The following ACTR10 variants were observed in gnomAD, a reference collection of about 807,000 sequenced individuals.
ACTR10 encodes actin-related protein 10.
Under a neutral mutation model 56.2 loss-of-function variants are expected in ACTR10, and 43 were observed. The ratio of observed to expected loss-of-function variants is 0.77; its 90% CI spans 0.60 to 0.99. The LOEUF is 0.99. Ranked by LOEUF, ACTR10 falls within the 50% of genes least tolerant of loss-of-function variation. The probability of loss-of-function intolerance (pLI) is 0.00; values close to 1 mark genes in which losing one functional copy is unlikely to be tolerated. For synonymous variants in ACTR10, 170 were observed against 176.3 expected (o/e 0.96, Z 0.28); for missense variants, 466 against 507.8 (o/e 0.92, Z 0.79).
intron 10 of ACTR10, among the ~76,000 whole-genome samples, chr14:58,229,069 A>G (rs1168073495): frequency 6.6e-6 from 1 of 152,176 alleles, no homozygotes; most frequent in Non-Finnish European, 1.5e-5. Flanking sequence ...TGGCATTGGC[A>G]TAAAATATAT....
chr14:58,213,743 A>G (rs746109842), intron 6 of ACTR10, 45 bp downstream of exon 6: 19 of 1,466,120 alleles, frequency 1.3e-5, no homozygotes, highest in Non-Finnish European at 1.5e-5. Context: ...CTGTGCCACA[A>G]AAACAGTTGC....
chr14:58,223,740 T>TTACA (rs752205358), intron 9 of ACTR10, 39 bp downstream of exon 9: 1 of 1,606,850 alleles, frequency 6.2e-7, no homozygotes, highest in South Asian at 1.1e-5. Context: ...TTTGCAAAGG[T>TTACA]TACAACATGT....
At chr14:58,210,445 G>A (rs955661269) in intron 4 of ACTR10, among the ~76,000 whole-genome samples, 15 of 152,134 alleles carry the variant, frequency 9.9e-5, no homozygotes, top group African/African-American at 3.6e-4. Flanking sequence ...GCAGTGAGCT[G>A]TGATTGCACC....
At position 58,215,216 on chromosome 14, in the gene ACTR10, C is replaced by A; in HGVS notation, c.530C>A (p.Thr177Asn). 6.3e-7 allele frequency: 1 copy of A among 1,589,938 alleles called. No individual in the cohort carries two copies. Among genetic ancestry groups the A allele is most frequent in the Non-Finnish European group, 8.6e-7 (1 of 1,168,638 alleles). ...TTTTTTAATTTCAGAGAGTTGGAAA[C>A]TCAACTATTGGAACAATGTACTGTT... ...GGKALHKELE[T>N]QLLEQCTVDT... The change falls in exon 7 of 13, where the codon ACT becomes AAT. Residue 177 changes from threonine (T) to asparagine (N), a missense_variant. Transcript: ENST00000254286.
intron 4 of ACTR10, among the ~76,000 whole-genome samples, chr14:58,210,760 C>T (rs1354922654): frequency 1.3e-5 from 2 of 151,464 alleles, no homozygotes; most frequent in East Asian, 1.9e-4. Context: ...CTGCAACCTC[C>T]GCCTCCTGGG....
chr14:58,228,483 G>T (rs770763910), intron 10 of ACTR10, among the ~76,000 whole-genome samples: 1 of 151,890 alleles, frequency 6.6e-6, no homozygotes, highest in Non-Finnish European at 1.5e-5. Context: ...TTAGCTGGGC[G>T]TGGTGGCACA....
rs746647996 is a variant in ACTR10, at chr14:58,223,816, T to C, written c.748T>C (p.Leu250=). 3 of 1,613,216 alleles carry C rather than the reference T, an allele frequency of 1.9e-6. No homozygotes were observed. The East Asian group carries it at 6.7e-5, about 36-fold the overall frequency. Residue 250 remains leucine (L), a synonymous_variant, in exon 10 of 13, where the codon TTA becomes CTA. Coordinates refer to ENST00000254286, the MANE Select transcript of ACTR10 (RefSeq NM_018477.3). ...PSPPPNVDYP[L]DGEKILHILG... ...CCCACCCCCAAATGTTGACTATCCA[T>C]TAGATGGAGAGAAGATTTTACATAT... is the stretch of plus-strand genomic sequence containing the variant.
intron 11 of ACTR10, chr14:58,231,140 G>A (rs755695252): frequency 7.1e-6 from 2 of 279,880 alleles, no homozygotes; most frequent in South Asian, 2.8e-5. Context: ...CACAACCTCC[G>A]CCCCCGGGTT....
At position 58,213,709 on chromosome 14, in the gene ACTR10, T is replaced by A. The variant is rs1327382114; in HGVS notation, c.518+11T>A. The stretch of plus-strand genomic sequence containing the variant: ...AAAAGCTCTTCACAAGTAAGTTTCT[T>A]GGAATTTAACATATTCATTTCACCT... On this transcript the variant is annotated intron_variant, in intron 6 of 12. Transcript: ENST00000254286. 2.5e-6 allele frequency: 4 copies of A among 1,605,566 alleles called. No individual in the cohort carries two copies. The highest frequency in any genetic ancestry group is 1.3e-5 in the African/African-American group (1 of 74,808).
At chr14:58,206,499 T>C (rs114925594) in intron 2 of ACTR10, among the ~76,000 whole-genome samples, 188 of 152,322 alleles carry the variant, frequency 1.2e-3, no homozygotes, top group African/African-American at 4.2e-3. Flanking sequence ...TTATCTTCAT[T>C]TGAAAAGACA....
chr14:58,232,911 G>A (rs28697080), intron 12 of ACTR10, among the ~76,000 whole-genome samples: 35,298 of 142,322 alleles, frequency 0.25, 4,745 homozygotes, highest in Middle Eastern at 0.37. Flanking sequence ...TTTGTTGCCC[G>A]TCCAGCTGGA....
intron 12 of ACTR10, among the ~76,000 whole-genome samples, chr14:58,232,495 A>C (rs967231735): frequency 1.5e-5 from 2 of 131,136 alleles, no homozygotes; most frequent in East Asian, 4.5e-4. Flanking sequence ...GGCTCACTGC[A>C]GCTTCCGCCT....
chr14:58,219,787 A>G lies in ACTR10; in HGVS notation c.634+58A>G. ...CCTTAAGTGTTACTTTGGAGGGCAT[A>G]TGCTTCTAAACATTTACACAGATAG... On this transcript the variant is annotated intron_variant, in intron 8 of 12. Coordinates refer to ENST00000254286, the MANE Select transcript of ACTR10 (RefSeq NM_018477.3). The G allele has an allele frequency of 4.5e-6, 5 of 1,102,592 alleles. No individual in the cohort carries two copies. The South Asian group carries it at 8.6e-5, about 19-fold the overall frequency. The allele number at this position is 1,102,592 out of a possible 1,614,324, so 68.3% of individuals were successfully genotyped here.
chr14:58,209,647 G>C (rs1888948534), intron 4 of ACTR10, among the ~76,000 whole-genome samples: 1 of 151,974 alleles, frequency 6.6e-6, no homozygotes, highest in East Asian at 1.9e-4. Context: ...CATAATATAA[G>C]TAATATTACC....
intron 1 of ACTR10, among the ~76,000 whole-genome samples, chr14:58,202,164 T>C (rs1888726370): frequency 6.6e-6 from 1 of 152,126 alleles, no homozygotes; most frequent in South Asian, 2.1e-4. Flanking sequence ...ATATGGAAGC[T>C]AACAATATTA....
At chr14:58,223,968 T>C in intron 10 of ACTR10, 112 bp downstream of exon 10, 2 of 841,832 alleles carry the variant, frequency 2.4e-6, no homozygotes, top group South Asian at 3.5e-5. Flanking sequence ...GTTCAGTGTT[T>C]ATTGTTAAGC....
chr14:58,204,217 T>TAA (rs35924178), intron 2 of ACTR10, among the ~76,000 whole-genome samples: 4 of 132,280 alleles, frequency 3.0e-5, no homozygotes, highest in South Asian at 2.4e-4. Context: ...CCATCTCTAC[T>TAA]AAAAAAAAAA....
chr14:58,200,491 C>T (rs529665709), intron 1 of ACTR10, among the ~76,000 whole-genome samples, 197 bp downstream of exon 1: 1 of 152,314 alleles, frequency 6.6e-6, no homozygotes, highest in Non-Finnish European at 1.5e-5. Context: ...GGGTCTGACT[C>T]CCAGAGAGGC....
At chr14:58,224,435 A>G (rs577214823) in intron 10 of ACTR10, among the ~76,000 whole-genome samples, 125 of 151,920 alleles carry the variant, frequency 8.2e-4, no homozygotes, top group African/African-American at 2.9e-3. Context: ...TTTAGTAGAG[A>G]TGGGTTTCAC....
Sources: gnomAD v4.1 joint callset for allele counts (sites outside exome capture counted in the v4.1 genomes callset) on GRCh38, gnomAD v4.1.1 for gene constraint, MANE v1.5 for transcripts, NCBI Gene and HGNC (gene_info 2026-07-23, HGNC 2026-07-21) for gene names.